Variants in CDC42BPA observed in about 807,000 individuals in gnomAD.
CDC42BPA encodes the protein CDC42 binding protein kinase alpha.
CDC42BPA carries 80 observed loss-of-function variants against 223.5 expected under a neutral mutation model. The observed-to-expected ratio is 0.36, with a 90% confidence interval of 0.30 to 0.43. The LOEUF is 0.43. Ranked by LOEUF, CDC42BPA falls within the 20% of genes least tolerant of loss-of-function variation. CDC42BPA has a pLI of 1.00. For synonymous variants in CDC42BPA, 694 were observed against 718.6 expected (o/e 0.97, Z 0.55); for missense variants, 1,743 against 2,099.9 (o/e 0.83, Z 3.32).
chr1:227,179,597 C>G (rs1667562474), intron 5 of CDC42BPA, among the ~76,000 whole-genome samples: 1 of 129,300 alleles, frequency 7.7e-6, no homozygotes, highest in Non-Finnish European at 1.6e-5. Context: ...GATTGTGCCA[C>G]TGCACTCCAG....
chr1:227,133,008 C>T (rs1172864345), intron 10 of CDC42BPA, among the ~76,000 whole-genome samples: 11 of 151,114 alleles, frequency 7.3e-5, no homozygotes, highest in African/African-American at 1.5e-4. Context: ...GGAGCATCTC[C>T]GCCCGGCAGC....
intron 1 of CDC42BPA, among the ~76,000 whole-genome samples, chr1:227,308,849 C>T (rs1693023229): frequency 1.3e-5 from 2 of 152,100 alleles, no homozygotes; most frequent in African/African-American, 4.8e-5. Context: ...CCAAATTAAA[C>T]AGAAGGTGTT....
At chr1:227,112,996 T>C (rs918612304) in intron 12 of CDC42BPA, 83 bp from the exon 13 acceptor site, 78 of 1,344,168 alleles carry the variant, frequency 5.8e-5, no homozygotes, top group Non-Finnish European at 7.8e-5. Flanking sequence ...TATCATTAAG[T>C]CAAGAAGAGC....
At chr1:227,310,464 G>A (rs1000747745) in intron 1 of CDC42BPA, among the ~76,000 whole-genome samples, 3 of 152,060 alleles carry the variant, frequency 2.0e-5, no homozygotes, top group Non-Finnish European at 2.9e-5. Flanking sequence ...TTTGTGCCCC[G>A]TTAACATGAA....
chr1:227,209,840 C>T (rs1456243359), intron 3 of CDC42BPA, among the ~76,000 whole-genome samples: 4 of 150,912 alleles, frequency 2.7e-5, no homozygotes, highest in Admixed American at 6.6e-5. Context: ...TGTCTCTGGC[C>T]GGCTTTGGTA....
chr1:227,276,074 T>G (rs879335787), intron 1 of CDC42BPA, among the ~76,000 whole-genome samples: 3 of 150,682 alleles, frequency 2.0e-5, no homozygotes, highest in Non-Finnish European at 4.4e-5. Context: ...TCGTCTGGGA[T>G]GTGAGGAGCC....
intron 5 of CDC42BPA, among the ~76,000 whole-genome samples, chr1:227,176,775 GA>G (rs1667025053): frequency 2.0e-5 from 3 of 152,004 alleles, no homozygotes; most frequent in Admixed American, 2.0e-4. Context: ...TCTTCAAGAG[GA>G]ATTCATGGAA....
At chr1:227,109,991 C>T (rs981215695) in intron 14 of CDC42BPA, among the ~76,000 whole-genome samples, 4 of 152,074 alleles carry the variant, frequency 2.6e-5, no homozygotes, top group Non-Finnish European at 5.9e-5. Context: ...TGTACATGTT[C>T]GGTACAAATG....
rs578149903 is a variant in CDC42BPA, at chr1:227,267,483, T to C, written c.179-13328A>G. Reference sequence around the variant, plus strand: ...TATCATGTCATGTATGTAACTCACATAGATGTTATCAGATAAAAGGTGATA... The same window carrying C: ...TATCATGTCATGTATGTAACTCACACAGATGTTATCAGATAAAAGGTGATA... On this transcript the variant is annotated intron_variant, in intron 1 of 36. Coordinates refer to ENST00000366766, the MANE Select transcript of CDC42BPA (RefSeq NM_001394014.1). Among the ~76,000 whole-genome samples, 29 of 152,358 alleles carry C rather than the reference T, an allele frequency of 1.9e-4. No individual in the cohort carries two copies. The South Asian group carries it at 2.5e-3, about 13-fold the overall frequency.
At chr1:227,143,090 T>C (rs898970340) in intron 8 of CDC42BPA, 66 bp from the exon 9 acceptor site, 2 of 981,544 alleles carry the variant, frequency 2.0e-6, no homozygotes, top group East Asian at 6.2e-5. Context: ...TGGCTATAAA[T>C]ATAAAATGCC....
chr1:227,033,545 T>A, intron 26 of CDC42BPA, 130 bp from the exon 27 acceptor site: 1 of 617,290 alleles, frequency 1.6e-6, no homozygotes, highest in East Asian at 2.8e-5. Context: ...TTTAAAAAAA[T>A]TAATTTTCCC....
At chr1:227,257,945 G>A (rs961331319) in intron 1 of CDC42BPA, among the ~76,000 whole-genome samples, 2 of 150,848 alleles carry the variant, frequency 1.3e-5, no homozygotes, top group South Asian at 2.1e-4. Flanking sequence ...CAAAGCAGAC[G>A]GATTGCTTGA....
At position 227,015,533 on chromosome 1, in the gene CDC42BPA, G is replaced by C. The variant is rs951301893; in HGVS notation, c.4857+547C>G. Among the ~76,000 whole-genome samples, 18 of 152,144 alleles carry C rather than the reference G, an allele frequency of 1.2e-4. 1 individual carries two copies. The highest frequency in any genetic ancestry group is 4.4e-5 in the Non-Finnish European group (3 of 68,018). ...GCCTCACAAAGTGCTGGGATTACAGGCATGAGCCACTACACCTGGCCTATG... is the reference window on the plus strand; with the variant it reads ...GCCTCACAAAGTGCTGGGATTACAGCCATGAGCCACTACACCTGGCCTATG... On this transcript the variant is annotated intron_variant, in intron 34 of 36. Coordinates refer to ENST00000366766, the MANE Select transcript of CDC42BPA (RefSeq NM_001394014.1).
chr1:226,994,414 G>A lies in CDC42BPA; in HGVS notation c.5134-15C>T, dbSNP rs1199570174. On this transcript the variant is annotated splice_polypyrimidine_tract_variant and intron_variant, in intron 36 of 36. Transcript: ENST00000366766. The surrounding 1 kb of genome is among the most constrained non-coding windows in gnomAD (Gnocchi z 4.0). ...GAGTCAGAGTCCTGTAAGGCCCAAAGTAAAACATTAATGAGAAGGAGGGGG... is the reference window on the plus strand; with the variant it reads ...GAGTCAGAGTCCTGTAAGGCCCAAAATAAAACATTAATGAGAAGGAGGGGG... 2.7e-6 allele frequency: 4 copies of A among 1,496,532 alleles called. No individual in the cohort carries two copies. The highest frequency in any genetic ancestry group is 3.6e-6 in the Non-Finnish European group (4 of 1,119,140). 92.7% of individuals were successfully genotyped at this position (1,496,532 alleles called of 1,614,324 possible).
chr1:227,163,235 A>T (rs971151146), intron 5 of CDC42BPA, among the ~76,000 whole-genome samples: 1 of 152,034 alleles, frequency 6.6e-6, no homozygotes, highest in African/African-American at 2.4e-5. Flanking sequence ...TTTCTAAAAC[A>T]TCTATTTTGG....
chr1:227,188,367 A>C (rs1367268184), intron 5 of CDC42BPA, among the ~76,000 whole-genome samples: 1 of 151,832 alleles, frequency 6.6e-6, no homozygotes, highest in Non-Finnish European at 1.5e-5. Flanking sequence ...CCATTAAGAA[A>C]AGTTAAAAAA....
intron 11 of CDC42BPA, among the ~76,000 whole-genome samples, chr1:227,124,419 AT>A (rs201881844): frequency 0.016 from 2,508 of 152,136 alleles, 27 homozygotes; most frequent in Non-Finnish European, 0.027. Flanking sequence ...TCAGAGGTAT[AT>A]ATTATTCAGA....
At chr1:227,013,675 T>G (rs1316567896) in intron 34 of CDC42BPA, among the ~76,000 whole-genome samples, 1 of 152,118 alleles carries the variant, frequency 6.6e-6, no homozygotes, top group East Asian at 1.9e-4. Flanking sequence ...CTAGCTACAT[T>G]GTTGGAATGT....
At chr1:227,249,493 C>T (rs185197899) in intron 2 of CDC42BPA, among the ~76,000 whole-genome samples, 24 of 152,166 alleles carry the variant, frequency 1.6e-4, no homozygotes, top group Middle Eastern at 6.8e-3. Context: ...CAGAATCAAA[C>T]CACAGTGAAG....
Sources: allele counts gnomAD v4.1 joint callset (sites outside exome capture counted in the v4.1 genomes callset), GRCh38; gene constraint gnomAD v4.1.1; non-coding constraint Gnocchi (gnomAD v3.1); transcripts MANE v1.5; gene names NCBI Gene and HGNC (gene_info 2026-07-23, HGNC 2026-07-21).